The following ARHGEF7 variants were observed in gnomAD, a reference collection of about 807,000 sequenced individuals.
ARHGEF7 encodes the protein PAK-interacting exchange factor beta.
ARHGEF7 carries 33 observed loss-of-function variants against 109.8 expected under a neutral mutation model. The observed-to-expected ratio is 0.30, with a 90% confidence interval of 0.23 to 0.40. The LOEUF is 0.40. Among genes scored for constraint, ARHGEF7 ranks in the 10% least tolerant of loss-of-function variants. ARHGEF7 has a pLI of 1.00. For synonymous variants in ARHGEF7, 458 were observed against 424.6 expected, an observed-to-expected ratio of 1.08 and a Z score of -0.97; for missense variants, 938 against 1,098.5, an observed-to-expected ratio of 0.85 and a Z score of 2.07.
At position 111,301,620 on chromosome 13, in the gene ARHGEF7, CG is replaced by C. The variant is rs2093570097; in HGVS notation, c.2466+90del. The C allele has an allele frequency of 3.6e-6, 4 of 1,103,782 alleles. No homozygotes were observed. In the Admixed American group the frequency reaches 7.3e-5, roughly 20 times the overall value. The allele number at this position is 1,103,782 out of a possible 1,614,324, so 68.4% of individuals were successfully genotyped here. On this transcript the variant is annotated intron_variant, in intron 21 of 21. Coordinates refer to ENST00000646102, the MANE Select transcript of ARHGEF7 (RefSeq NM_001354046.2). ...ACATTAAAAATAAGCTGGCTGGGTA[CG>C]GTGGCTCACACCTATAATCCCAGCA...
chr13:111,259,161 C>T (rs979540182), intron 8 of ARHGEF7, among the ~76,000 whole-genome samples: 14 of 152,160 alleles, frequency 9.2e-5, no homozygotes, highest in African/African-American at 2.9e-4. Flanking sequence ...GAGAACTCAC[C>T]GTCCTGAAGG....
Position 111,217,889 on chromosome 13 carries a change from C to G in ARHGEF7, c.670+9C>G. 4 of 1,606,440 alleles carry G rather than the reference C, an allele frequency of 2.5e-6. No homozygotes were observed. The South Asian group carries it at 4.4e-5, about 18-fold the overall frequency. On this transcript the variant is annotated intron_variant, in intron 5 of 21. Transcript: ENST00000646102. ...CGAGGTCAAGGCCAGCGGTAAGTGGCCGAGCCTGGGCTGTGTGTGGCTTTT... is the reference window on the plus strand; with the variant it reads ...CGAGGTCAAGGCCAGCGGTAAGTGGGCGAGCCTGGGCTGTGTGTGGCTTTT...
intron 13 of ARHGEF7, among the ~76,000 whole-genome samples, chr13:111,279,566 C>T (rs556248031): frequency 2.0e-5 from 3 of 152,356 alleles, no homozygotes; most frequent in South Asian, 4.1e-4. Flanking sequence ...CCTCTTCCTG[C>T]GGACTTGGTG....
chr13:111,252,741 A>G (rs1368499065), intron 8 of ARHGEF7, among the ~76,000 whole-genome samples: 1 of 152,238 alleles, frequency 6.6e-6, no homozygotes, highest in Admixed American at 6.5e-5. Flanking sequence ...CCCATGAGGC[A>G]GGTGTTTAAA....
intron 6 of ARHGEF7, chr13:111,241,237 C>T: frequency 6.5e-7 from 1 of 1,536,158 alleles, no homozygotes; most frequent in Non-Finnish European, 8.7e-7. Context: ...CTCTGGGTTC[C>T]CAGCGTTGGT....
intron 2 of ARHGEF7, among the ~76,000 whole-genome samples, chr13:111,166,007 C>G (rs1310750809): frequency 6.6e-6 from 1 of 152,128 alleles, no homozygotes; most frequent in Non-Finnish European, 1.5e-5. Context: ...GTTGGAGTCC[C>G]CACTCCCTGC....
At chr13:111,257,242 A>G (rs1257666934) in intron 8 of ARHGEF7, among the ~76,000 whole-genome samples, 2 of 152,202 alleles carry the variant, frequency 1.3e-5, no homozygotes, top group Non-Finnish European at 2.9e-5. Flanking sequence ...CAGTGAACAT[A>G]CCAATTCTTA....
intron 2 of ARHGEF7, among the ~76,000 whole-genome samples, chr13:111,154,985 A>G (rs1264942095): frequency 6.6e-6 from 1 of 152,164 alleles, no homozygotes; most frequent in Admixed American, 6.5e-5. Flanking sequence ...GATTGGAAAT[A>G]CTGGAGGAGG....
In ARHGEF7 at chr13:111,210,017, T is replaced by G. The variant is rs765713009; in HGVS notation, c.468+15T>G. On this transcript the variant is annotated intron_variant, in intron 4 of 21. Transcript: ENST00000646102. ...ATCGGAGTTTGGTAAGTTTGAGAGA[T>G]TTTGTTACTTAAATATGTTTGGGAA... is the stretch of plus-strand genomic sequence containing the variant. 4 of 1,614,084 alleles carry G rather than the reference T, an allele frequency of 2.5e-6. No individual in the cohort carries two copies. The highest frequency in any genetic ancestry group is 3.3e-5 in the Admixed American group (2 of 60,022).
intron 2 of ARHGEF7, among the ~76,000 whole-genome samples, chr13:111,161,526 G>C (rs979253542): frequency 6.6e-6 from 1 of 152,202 alleles, no homozygotes; most frequent in African/African-American, 2.4e-5. Context: ...TGCCTGGTAA[G>C]TTGGAGGTGC....
chr13:111,249,190 T>C lies in ARHGEF7; in HGVS notation c.950+4896T>C, dbSNP rs1253863427. ...AACCCTGTGGATTTTTGTTGGAGTTTTAGCTGTTCCACATAACAAAGTTGG... is the reference window on the plus strand; with the variant it reads ...AACCCTGTGGATTTTTGTTGGAGTTCTAGCTGTTCCACATAACAAAGTTGG... On this transcript the variant is annotated intron_variant, in intron 8 of 21. Coordinates refer to ENST00000646102, the MANE Select transcript of ARHGEF7 (RefSeq NM_001354046.2). Among the ~76,000 whole-genome samples, 3 of 152,140 alleles carry C rather than the reference T, an allele frequency of 2.0e-5. No individual in the cohort carries two copies. The East Asian group carries it at 5.8e-4, about 29-fold the overall frequency.
At chr13:111,122,254 G>C (rs959872276) in intron 1 of ARHGEF7, among the ~76,000 whole-genome samples, 1 of 152,272 alleles carries the variant, frequency 6.6e-6, no homozygotes, top group East Asian at 1.9e-4. Flanking sequence ...GGTGGACTCA[G>C]GTTTCGCTTA....
intron 4 of ARHGEF7, among the ~76,000 whole-genome samples, chr13:111,213,464 A>C (rs2082742627): frequency 6.6e-6 from 1 of 152,198 alleles, no homozygotes; most frequent in African/African-American, 2.4e-5. Context: ...CACCCAGATG[A>C]GGAGGCAGAG....
chr13:111,250,206 G>A (rs2089557687), intron 8 of ARHGEF7, among the ~76,000 whole-genome samples: 1 of 152,156 alleles, frequency 6.6e-6, no homozygotes, highest in Non-Finnish European at 1.5e-5. Context: ...TGCCTTCCAT[G>A]CCCTTGTGCC....
intron 8 of ARHGEF7, among the ~76,000 whole-genome samples, chr13:111,252,913 G>A (rs530484787): frequency 3.8e-4 from 58 of 152,344 alleles, no homozygotes; most frequent in African/African-American, 1.3e-3. Context: ...CTTTCAGTTG[G>A]CAGTGCTTTT....
At chr13:111,126,893 G>C (rs1244282963) in intron 1 of ARHGEF7, among the ~76,000 whole-genome samples, 1 of 152,072 alleles carries the variant, frequency 6.6e-6, no homozygotes, top group African/African-American at 2.4e-5. Context: ...AAAAATAAGG[G>C]CAAATTAAAC....
intron 3 of ARHGEF7, among the ~76,000 whole-genome samples, chr13:111,207,778 A>G (rs2082065733): frequency 6.6e-6 from 1 of 152,246 alleles, no homozygotes; most frequent in African/African-American, 2.4e-5. Context: ...AAGAGAAGTC[A>G]GAATCCAGTA....
At chr13:111,283,593 C>CA (rs1413598879) in intron 16 of ARHGEF7, among the ~76,000 whole-genome samples, 3 of 152,374 alleles carry the variant, frequency 2.0e-5, no homozygotes, top group African/African-American at 7.2e-5. Context: ...CTGCCATGCA[C>CA]AGGGGGGCCT....
At position 111,303,084 on chromosome 13, in the gene ARHGEF7, G is replaced by A. The variant is rs1345971244; in HGVS notation, c.2560G>A (p.Asp854Asn). 2.5e-6 allele frequency: 4 copies of A among 1,613,770 alleles called. No homozygotes were observed. Among genetic ancestry groups the A allele is most frequent in the Non-Finnish European group, 3.4e-6 (4 of 1,179,870 alleles). The part of the protein sequence containing the change: ...LVRKVLKNMN[D>N]PAWDETNL ...GAGGAAAGTCCTGAAGAACATGAAT[G>A]ATCCTGCCTGGGATGAGACCAATCT... The change falls in exon 22 of 22, where the codon GAT (aspartate) becomes AAT (asparagine). Residue 854 changes from aspartate (D) to asparagine (N), a missense_variant. By Grantham distance (23) the Asp-to-Asn change is conservative. This residue lies in a region of ARHGEF7 where 166 missense variants were observed against 167.3 expected (regional missense o/e 0.99). Transcript: ENST00000646102.
Sources: gnomAD v4.1 joint callset for allele counts (sites outside exome capture counted in the v4.1 genomes callset) on GRCh38, gnomAD v4.1.1 for gene constraint, gnomAD v4.1.1 regional missense constraint, MANE v1.5 for transcripts, NCBI Gene and HGNC (gene_info 2026-07-23, HGNC 2026-07-21) for gene names.